CDON: variants seen among roughly 807,000 people sequenced by gnomAD.
CDON encodes cell adhesion associated, oncogene regulated.
A neutral mutation model predicts 120.9 loss-of-function variants in CDON; 73 were observed. That is an observed-to-expected ratio of 0.60 (90% confidence interval 0.50 to 0.73). CDON has a LOEUF of 0.73. Among genes scored for constraint, CDON ranks in the 30% least tolerant of loss-of-function variants. The pLI, the probability that CDON is intolerant of heterozygous loss-of-function variation, is 0.00. For missense variants in CDON, 1,470 were observed against 1,587.3 expected, an observed-to-expected ratio of 0.93 and a Z score of 1.26; for synonymous variants, 566 against 573.5, an observed-to-expected ratio of 0.99 and a Z score of 0.19.
chr11:125,979,061 G>A (rs1457225178), intron 17 of CDON, among the ~76,000 whole-genome samples: 4 of 152,142 alleles, frequency 2.6e-5, no homozygotes, highest in African/African-American at 9.7e-5. Context: ...AGACAGCAAG[G>A]TTCTTCAAAA....
intron 1 of CDON, among the ~76,000 whole-genome samples, chr11:126,026,653 A>G (rs1772242073): frequency 1.3e-5 from 2 of 152,164 alleles, no homozygotes; most frequent in Non-Finnish European, 2.9e-5. Context: ...CTGCTTTTCC[A>G]GTTTTTTCTT....
chr11:125,969,146 G>A (rs1945887234), intron 18 of CDON, among the ~76,000 whole-genome samples: 1 of 152,134 alleles, frequency 6.6e-6, no homozygotes. Flanking sequence ...TTACAGGCAT[G>A]CGCCACCATG....
Position 126,010,475 on chromosome 11 carries a change from A to G in CDON, c.1418T>C (p.Val473Ala), listed in dbSNP as rs762180366. 1.4e-5 allele frequency: 22 copies of G among 1,614,164 alleles called. No individual in the cohort carries two copies. Among genetic ancestry groups the G allele is most frequent in the Non-Finnish European group, 1.6e-5 (19 of 1,180,012 alleles). ...ACCAGCTTGGGACAGGACGAAGTACACAGGCTCCAGGTTCAAGCCCTCAGG... is the reference window on the plus strand; with the variant it reads ...ACCAGCTTGGGACAGGACGAAGTACGCAGGCTCCAGGTTCAAGCCCTCAGG... Reference protein sequence around the residue: ...SRPEGLNLEPVYFVLSQAGAS... With the variant: ...SRPEGLNLEPAYFVLSQAGAS... The change falls in exon 8 of 20, where the codon GTG (valine) becomes GCG (alanine). Residue 473 changes from valine to alanine, a missense_variant. Coordinates refer to ENST00000531738, the MANE Select transcript of CDON (RefSeq NM_001378964.1).
intron 1 of CDON, among the ~76,000 whole-genome samples, chr11:126,023,844 A>C (rs551990304): frequency 1.3e-5 from 2 of 152,380 alleles, no homozygotes; most frequent in Non-Finnish European, 2.9e-5. Context: ...TACAAAACTC[A>C]ATGCAACCAA....
Position 125,971,033 on chromosome 11 carries a change from T to C in CDON, c.3356+7271A>G, listed in dbSNP as rs1011763540. ...AAGCTCAGGTGAACTGGACAACTTG[T>C]TGTTTTAATACTTAGCAAACCAACT... is the stretch of plus-strand genomic sequence containing the variant. On this transcript the variant is annotated intron_variant, in intron 18 of 19. Coordinates refer to ENST00000531738, the MANE Select transcript of CDON (RefSeq NM_001378964.1). Among the ~76,000 whole-genome samples the C allele has an allele frequency of 1.6e-4, 24 of 152,142 alleles. 1 individual carries two copies. Among genetic ancestry groups the C allele is most frequent in the South Asian group, 2.1e-4 (1 of 4,830 alleles).
At chr11:126,059,487 CT>C (rs1327671582) in intron 1 of CDON, among the ~76,000 whole-genome samples, 13 of 151,102 alleles carry the variant, frequency 8.6e-5, no homozygotes, top group South Asian at 4.2e-4. Flanking sequence ...TCAACCCCCC[CT>C]GCCCGCATCC....
intron 15 of CDON, among the ~76,000 whole-genome samples, chr11:125,987,314 T>C (rs938855106): frequency 6.6e-6 from 1 of 151,974 alleles, no homozygotes; most frequent in African/African-American, 2.4e-5. Flanking sequence ...AAAAGAAACA[T>C]CACAGCAGTC....
chr11:126,000,825 G>A (rs1490630287), intron 11 of CDON, among the ~76,000 whole-genome samples: 1 of 152,108 alleles, frequency 6.6e-6, no homozygotes, highest in Non-Finnish European at 1.5e-5. Context: ...AAATATGGAA[G>A]AGAAGTCTGA....
intron 1 of CDON, among the ~76,000 whole-genome samples, chr11:126,039,778 C>T (rs2134822025): frequency 6.6e-6 from 1 of 152,184 alleles, no homozygotes; most frequent in South Asian, 2.1e-4. Flanking sequence ...CAATGTGTCT[C>T]AGAGTCCCAT....
At position 126,017,221 on chromosome 11, in the gene CDON, T is replaced by C. The variant is rs1304307406; in HGVS notation, c.795A>G (p.Gly265=). 5.0e-6 allele frequency: 8 copies of C among 1,614,140 alleles called. No homozygotes were observed. The highest frequency in any genetic ancestry group is 1.3e-5 in the African/African-American group (1 of 75,018). Residue 265 remains glycine, a synonymous_variant, in exon 6 of 20, where the codon GGA becomes GGG. Coordinates refer to ENST00000531738, the MANE Select transcript of CDON (RefSeq NM_001378964.1). ...WLKDGQDIAP[G]SNWRRLYSHL... is the part of the protein sequence containing the mutation. ...GAGAATACAACCTTCTCCAGTTGCT[T>C]CCTGGTGCAATGTCCTGCCCGTCCT...
chr11:125,971,434 T>C (rs1945994999), intron 18 of CDON, among the ~76,000 whole-genome samples: 2 of 147,406 alleles, frequency 1.4e-5, no homozygotes, highest in African/African-American at 4.9e-5. Context: ...TGTTCTCATA[T>C]TCATCTCTAC....
chr11:126,037,241 C>T (rs949373597), intron 1 of CDON, among the ~76,000 whole-genome samples: 1 of 152,020 alleles, frequency 6.6e-6, no homozygotes, highest in African/African-American at 2.4e-5. Flanking sequence ...AGCTGGACCA[C>T]AGGTGTGCAC....
chr11:125,993,665 G>A (rs974032641), intron 14 of CDON, among the ~76,000 whole-genome samples: 5 of 152,158 alleles, frequency 3.3e-5, no homozygotes, highest in Non-Finnish European at 7.3e-5. Flanking sequence ...AGGCAAAAAC[G>A]TCTCAGTGCA....
chr11:125,978,908 T>C lies in CDON; in HGVS notation c.3277-525A>G, dbSNP rs192676598. ...GCTAAGTTTTAAAGCATGCTATATT[T>C]TTCCAGATGGAGTAGATCTTCAGCC... On this transcript the variant is annotated intron_variant, in intron 17 of 19. Transcript: ENST00000531738. Among the ~76,000 whole-genome samples the C allele has an allele frequency of 3.4e-3, 519 of 152,332 alleles. 1 individual carries two copies. Among genetic ancestry groups the C allele is most frequent in the Non-Finnish European group, 6.0e-3 (405 of 68,020 alleles).
intron 18 of CDON, among the ~76,000 whole-genome samples, chr11:125,966,084 C>A (rs1184548245): frequency 2.6e-5 from 4 of 151,438 alleles, no homozygotes; most frequent in Admixed American, 6.6e-5. Context: ...TTGTGGTGAG[C>A]CAAGATCATG....
In CDON at chr11:126,019,661, C is replaced by T. The variant is rs1235672810; in HGVS notation, c.454G>A (p.Val152Met). The T allele has an allele frequency of 3.1e-6, 5 of 1,614,146 alleles. No homozygotes were observed. Among genetic ancestry groups the T allele is most frequent in the South Asian group, 1.1e-5 (1 of 91,084 alleles). The change falls in exon 4 of 20, where the codon GTG (valine) becomes ATG (methionine). Residue 152 changes from valine (V) to methionine (M), a missense_variant. Physicochemically the swap from Val to Met is conservative, Grantham distance 21. Transcript: ENST00000531738. ...CATTTTCCCCGGATTTTATAGCGCACCTCAGCTTTGGGGTTACTCTCCGGT... is the reference window on the plus strand; with the variant it reads ...CATTTTCCCCGGATTTTATAGCGCATCTCAGCTTTGGGGTTACTCTCCGGT... ...RVPESNPKAEVRYKIRGKWLE... is the reference protein window; with the variant it reads ...RVPESNPKAEMRYKIRGKWLE...
intron 1 of CDON, among the ~76,000 whole-genome samples, chr11:126,037,135 C>T (rs1948122437): frequency 6.6e-6 from 1 of 151,110 alleles, no homozygotes; most frequent in Non-Finnish European, 1.5e-5. Flanking sequence ...GAGTCTCTCT[C>T]TGTTGCCCAG....
In CDON at chr11:125,981,159, C is replaced by T. The variant is rs754336636; in HGVS notation, c.3166G>A (p.Ala1056Thr). The T allele has an allele frequency of 2.0e-5, 33 of 1,614,128 alleles. No individual in the cohort carries two copies. Among genetic ancestry groups the T allele is most frequent in the Non-Finnish European group, 2.6e-5 (31 of 1,180,014 alleles). ...YSHLHHKVPNAVNGIVNGSLN... is the reference protein window; with the variant it reads ...YSHLHHKVPNTVNGIVNGSLN... ...CTCCCATTCACAATTCCATTGACTG[C>T]ATTGGGGACCTTATGGTGAAGGTGG... Residue 1056 changes from alanine to threonine, a missense_variant, in exon 17 of 20, where the codon GCA becomes ACA. Ala to Thr is a moderately conservative substitution (Grantham distance 58). Coordinates refer to ENST00000531738, the MANE Select transcript of CDON (RefSeq NM_001378964.1).
intron 1 of CDON, among the ~76,000 whole-genome samples, chr11:126,052,871 T>C (rs959808045): frequency 1.3e-5 from 2 of 152,018 alleles, no homozygotes; most frequent in African/African-American, 4.8e-5. Flanking sequence ...ATAACAGCTA[T>C]TTACATAGCA....
Sources: allele counts gnomAD v4.1 joint callset (sites outside exome capture counted in the v4.1 genomes callset), GRCh38; gene constraint gnomAD v4.1.1; transcripts MANE v1.5; gene names NCBI Gene and HGNC (gene_info 2026-07-23, HGNC 2026-07-21).